CACNA2D4: variants seen among roughly 807,000 people sequenced by gnomAD.
The protein encoded by CACNA2D4 is calcium voltage-gated channel auxiliary subunit alpha2delta 4.
In CACNA2D4, 157 loss-of-function variants were observed where a neutral mutation model predicts 163.8. The observed-to-expected ratio is 0.96, with a 90% CI of 0.84 to 1.09. The LOEUF is 1.09. Ranked by LOEUF, CACNA2D4 falls within the 50% of genes least tolerant of loss-of-function variation. The pLI, the probability that CACNA2D4 is intolerant of heterozygous loss-of-function variation, is 0.00. For missense variants in CACNA2D4, 1,410 were observed against 1,479.9 expected, an observed-to-expected ratio of 0.95 and a Z score of 0.78; for synonymous variants, 598 against 586.9, an observed-to-expected ratio of 1.02 and a Z score of -0.27.
At chr12:1,907,695 TGCCTGGTGGGCGTGTCTGGTGGACG>T (rs1388260081) in intron 5 of CACNA2D4, 124 bp from the exon 6 acceptor site, 15 of 1,189,962 alleles carry the variant, frequency 1.3e-5, no homozygotes, top group East Asian at 5.1e-5. Flanking sequence ...CTGGTGGGTG[TGCCTGGTGGGCGTGTCTGGTGGACG>T]GCCTGGTGGG....
chr12:1,813,355 G>C (rs1305568397), intron 26 of CACNA2D4, among the ~76,000 whole-genome samples: 2 of 152,026 alleles, frequency 1.3e-5, no homozygotes, highest in Admixed American at 1.3e-4. Flanking sequence ...GCTAGTCCAG[G>C]CACTATATTT....
Position 1,914,929 on chromosome 12 carries a change from C to T in CACNA2D4, c.234G>A (p.Lys78=). The part of the protein sequence containing the change: ...GQAKIPLETV[K]LWADTFGGDL... ...CCCCGCCGAAGGTGTCAGCCCATAG[C>T]TTCACTCTGCCAGGCAATGAAAGGA... The change falls in exon 2 of 38, where the codon AAG becomes AAA. Residue 78 remains lysine, a synonymous_variant. Coordinates refer to ENST00000382722, the MANE Select transcript of CACNA2D4 (RefSeq NM_172364.5). 6.2e-7 allele frequency: 1 copy of T among 1,612,306 alleles called. No homozygotes were observed. The highest frequency in any genetic ancestry group is 8.5e-7 in the Non-Finnish European group (1 of 1,178,332).
chr12:1,824,835 C>T (rs1271860190), intron 26 of CACNA2D4, among the ~76,000 whole-genome samples: 1 of 152,124 alleles, frequency 6.6e-6, no homozygotes, highest in African/African-American at 2.4e-5. Context: ...GCTGCAGCCC[C>T]ACCTCTCTCT....
chr12:1,853,395 T>A (rs1865331027), intron 23 of CACNA2D4, among the ~76,000 whole-genome samples: 2 of 152,194 alleles, frequency 1.3e-5, no homozygotes, highest in Non-Finnish European at 2.9e-5. Flanking sequence ...TGTGCTTAAA[T>A]TTATTGACTG....
chr12:1,810,252 C>A (rs550156732), intron 29 of CACNA2D4, 26 bp downstream of exon 29: 1 of 1,595,184 alleles, frequency 6.3e-7, no homozygotes, highest in Non-Finnish European at 8.6e-7. Context: ...CCCTCTCCCC[C>A]TCATTCTATA....
At chr12:1,810,180 C>A (rs996783200) in intron 29 of CACNA2D4, 98 bp downstream of exon 29, 3 of 1,007,370 alleles carry the variant, frequency 3.0e-6, no homozygotes, top group Admixed American at 3.8e-5. Context: ...AGGGTTCCCT[C>A]CTGGGGCCGT....
In CACNA2D4 at chr12:1,897,489, T is replaced by A. The variant is rs142144516; in HGVS notation, c.781+9951A>T. On this transcript the variant is annotated intron_variant, in intron 6 of 37. Coordinates refer to ENST00000382722, the MANE Select transcript of CACNA2D4 (RefSeq NM_172364.5). ...GTGCATATAACAAAATATTACATAT[T>A]CCCATAAATGTGTACAAGTATTATG... Among the ~76,000 whole-genome samples, 183 of 152,310 alleles carry A rather than the reference T, an allele frequency of 1.2e-3. 1 individual carries two copies. Among genetic ancestry groups the A allele is most frequent in the African/African-American group, 4.2e-3 (176 of 41,576 alleles).
intron 23 of CACNA2D4, among the ~76,000 whole-genome samples, chr12:1,848,620 T>C (rs1257163809): frequency 6.6e-6 from 1 of 152,192 alleles, no homozygotes; most frequent in Non-Finnish European, 1.5e-5. Context: ...GGATAAATAA[T>C]TTATTCTTTT....
At chr12:1,821,866 T>A (rs1864117664) in intron 26 of CACNA2D4, among the ~76,000 whole-genome samples, 1 of 151,478 alleles carries the variant, frequency 6.6e-6, no homozygotes, top group African/African-American at 2.4e-5. Context: ...TTCTGGGGGG[T>A]GTTGGCACCC....
At chr12:1,865,076 TC>T (rs1190275547) in intron 18 of CACNA2D4, among the ~76,000 whole-genome samples, 2 of 152,100 alleles carry the variant, frequency 1.3e-5, no homozygotes, top group African/African-American at 4.8e-5. Context: ...TCAGCTGCAG[TC>T]CCGCGCTGGC....
chr12:1,817,367 C>T lies in CACNA2D4; in HGVS notation c.2552-5644G>A, dbSNP rs373079730. 3.3e-5 allele frequency among the ~76,000 whole-genome samples: 5 copies of T among 152,158 alleles called. No individual in the cohort carries two copies. In the East Asian group the frequency reaches 5.8e-4, roughly 18 times the overall value. ...GAGCTCTTTCATGTCCTCCATTCCT[C>T]ACTCAGTTGACACGAAGGCACTGGG... On this transcript the variant is annotated intron_variant, in intron 26 of 37. Transcript: ENST00000382722.
chr12:1,813,874 T>G (rs12578700), intron 26 of CACNA2D4, among the ~76,000 whole-genome samples: 36,226 of 152,140 alleles, frequency 0.24, 4,669 homozygotes, highest in South Asian at 0.34. Context: ...TGAGGTGTGC[T>G]CAGGGCCTAG....
intron 18 of CACNA2D4, among the ~76,000 whole-genome samples, chr12:1,872,379 A>G (rs1486702793): frequency 6.6e-6 from 1 of 152,230 alleles, no homozygotes; most frequent in African/African-American, 2.4e-5. Flanking sequence ...AAGGATACCT[A>G]TAAAATCCCC....
chr12:1,801,186 C>T, intron 30 of CACNA2D4, 68 bp from the exon 31 acceptor site: 3 of 1,337,954 alleles, frequency 2.2e-6, no homozygotes, highest in Non-Finnish European at 3.2e-6. Flanking sequence ...CCTCAGGAGG[C>T]TTTACTAGCA....
At chr12:1,816,799 CACAT>C (rs1412290079) in intron 26 of CACNA2D4, among the ~76,000 whole-genome samples, 4 of 152,308 alleles carry the variant, frequency 2.6e-5, no homozygotes, top group East Asian at 1.9e-4. Flanking sequence ...CACACGGACA[CACAT>C]GCATGCACAC....
At chr12:1,862,602 G>A (rs1169016024) in intron 18 of CACNA2D4, among the ~76,000 whole-genome samples, 6 of 152,204 alleles carry the variant, frequency 3.9e-5, no homozygotes, top group Admixed American at 6.5e-5. Flanking sequence ...TAGTAGAGAC[G>A]GGGTTTCATT....
Position 1,800,325 on chromosome 12 carries a change from C to T in CACNA2D4, c.2921+61G>A. On this transcript the variant is annotated intron_variant, in intron 32 of 37. Coordinates refer to ENST00000382722, the MANE Select transcript of CACNA2D4 (RefSeq NM_172364.5). The stretch of plus-strand genomic sequence containing the variant: ...GACCTTGCAGCCTCCTGCTCAAGGA[C>T]ACCCTCCTAAGCCACCCTCGCATGC... 5 of 1,561,874 alleles carry T rather than the reference C, an allele frequency of 3.2e-6. No individual in the cohort carries two copies. In the South Asian group the frequency reaches 5.6e-5, roughly 17 times the overall value.
chr12:1,890,400 C>T (rs970265103), intron 6 of CACNA2D4, among the ~76,000 whole-genome samples: 4 of 152,216 alleles, frequency 2.6e-5, no homozygotes, highest in Admixed American at 2.6e-4. Context: ...CTGGATGCTG[C>T]CACCAGGGCT....
chr12:1,900,279 C>G lies in CACNA2D4; in HGVS notation c.781+7161G>C, dbSNP rs2154451006. Among the ~76,000 whole-genome samples, 3 of 152,256 alleles carry G rather than the reference C, an allele frequency of 2.0e-5. 1 individual carries two copies. In the Middle Eastern group the frequency reaches 0.01, roughly 518 times the overall value. On this transcript the variant is annotated intron_variant, in intron 6 of 37. Coordinates refer to ENST00000382722, the MANE Select transcript of CACNA2D4 (RefSeq NM_172364.5). ...TGAATAGCACCACAGGTGCACACCA[C>G]CACGACTGGCTAATTTTCATTTTTA... is the stretch of plus-strand genomic sequence containing the variant.
Sources: gnomAD v4.1 joint callset for allele counts (sites outside exome capture counted in the v4.1 genomes callset) on GRCh38, gnomAD v4.1.1 for gene constraint, MANE v1.5 for transcripts, NCBI Gene and HGNC (gene_info 2026-07-23, HGNC 2026-07-21) for gene names.